RSRC1: variants seen among roughly 807,000 people sequenced by gnomAD.
RSRC1 encodes arginine and serine rich coiled-coil 1.
Under a neutral mutation model 49.1 loss-of-function variants are expected in RSRC1, and 39 were observed. The observed-to-expected ratio is 0.79, with a 90% CI of 0.61 to 1.04. The LOEUF (loss-of-function observed/expected upper bound fraction) is 1.04, where lower values mean the gene tolerates loss of function less well. Ranked by LOEUF, RSRC1 falls within the 50% of genes least tolerant of loss-of-function variation. The probability of loss-of-function intolerance (pLI) is 0.00; values close to 1 mark genes in which losing one functional copy is unlikely to be tolerated. For synonymous variants in RSRC1, 143 were observed against 130.8 expected (o/e 1.09, Z -0.63); for missense variants, 388 against 402.4 (o/e 0.96, Z 0.31).
chr3:158,483,536 A>G (rs1350928940), intron 7 of RSRC1, among the ~76,000 whole-genome samples: 1 of 152,086 alleles, frequency 6.6e-6, no homozygotes, highest in Non-Finnish European at 1.5e-5. Context: ...AATGAAAAAT[A>G]TTTAATGTGT....
At chr3:158,389,668 G>C (rs944545184) in intron 6 of RSRC1, among the ~76,000 whole-genome samples, 1 of 152,136 alleles carries the variant, frequency 6.6e-6, no homozygotes, top group Non-Finnish European at 1.5e-5. Flanking sequence ...GGAAAATTTA[G>C]CATGAGTTAA....
At chr3:158,322,730 A>T (rs1406144532) in intron 5 of RSRC1, among the ~76,000 whole-genome samples, 2 of 152,054 alleles carry the variant, frequency 1.3e-5, no homozygotes, top group East Asian at 3.9e-4. Flanking sequence ...CTAGGACTTC[A>T]ATTACATGTA....
intron 3 of RSRC1, among the ~76,000 whole-genome samples, chr3:158,148,379 G>GTC (rs1329191367): frequency 2.0e-5 from 3 of 151,822 alleles, no homozygotes; most frequent in Non-Finnish European, 2.9e-5. Flanking sequence ...GTGTGTGTGT[G>GTC]TGTGTATGCG....
intron 1 of RSRC1, among the ~76,000 whole-genome samples, chr3:158,119,966 G>A (rs572681035): frequency 6.6e-6 from 1 of 151,808 alleles, no homozygotes; most frequent in Non-Finnish European, 1.5e-5. Flanking sequence ...GAGTAGCTGA[G>A]ACTACAGGCG....
At chr3:158,280,377 T>C (rs1463365952) in intron 4 of RSRC1, among the ~76,000 whole-genome samples, 1 of 152,168 alleles carries the variant, frequency 6.6e-6, no homozygotes, top group Non-Finnish European at 1.5e-5. Context: ...TTAATTAAAC[T>C]ATTAGTAACT....
chr3:158,385,426 C>T (rs533388310), intron 6 of RSRC1, among the ~76,000 whole-genome samples: 2 of 152,272 alleles, frequency 1.3e-5, no homozygotes, highest in African/African-American at 4.8e-5. Flanking sequence ...GAGTGACTAC[C>T]TCTGCCTGAG....
chr3:158,326,709 G>T (rs546630235), intron 5 of RSRC1, among the ~76,000 whole-genome samples: 3 of 152,206 alleles, frequency 2.0e-5, no homozygotes, highest in African/African-American at 7.2e-5. Context: ...TTGTGTCTCT[G>T]CCAGGCTTTG....
At chr3:158,116,531 G>C (rs1305578937) in intron 1 of RSRC1, among the ~76,000 whole-genome samples, 1 of 151,692 alleles carries the variant, frequency 6.6e-6, no homozygotes, top group Non-Finnish European at 1.5e-5. Context: ...AATTGAAATT[G>C]CTTTTTTTTT....
At chr3:158,200,346 T>C (rs927820945) in intron 3 of RSRC1, among the ~76,000 whole-genome samples, 1 of 152,186 alleles carries the variant, frequency 6.6e-6, no homozygotes, top group Non-Finnish European at 1.5e-5. Context: ...CCTGGCCATT[T>C]ACTTTTAACC....
At chr3:158,480,449 C>T (rs945386194) in intron 7 of RSRC1, among the ~76,000 whole-genome samples, 2 of 151,598 alleles carry the variant, frequency 1.3e-5, no homozygotes, top group Non-Finnish European at 2.9e-5. Flanking sequence ...ATTGAAAAGC[C>T]GTATTTGAAG....
At chr3:158,261,701 A>G (rs1256891333) in intron 4 of RSRC1, among the ~76,000 whole-genome samples, 1 of 152,150 alleles carries the variant, frequency 6.6e-6, no homozygotes, top group Non-Finnish European at 1.5e-5. Context: ...AGGAGCATGA[A>G]CCCTATTGTG....
chr3:158,207,978 G>A (rs1049467203), intron 4 of RSRC1, among the ~76,000 whole-genome samples: 2 of 151,984 alleles, frequency 1.3e-5, no homozygotes, highest in African/African-American at 4.8e-5. Flanking sequence ...TCATAAATTG[G>A]CCTGCTAATT....
At chr3:158,401,855 A>T (rs1578431202) in intron 6 of RSRC1, among the ~76,000 whole-genome samples, 1 of 151,992 alleles carries the variant, frequency 6.6e-6, no homozygotes, top group Non-Finnish European at 1.5e-5. Context: ...AATTTAATTT[A>T]AATTTATGAA....
In RSRC1 at chr3:158,134,279, AT is replaced by A. The variant is rs551409381; in HGVS notation, c.320+10294del. Among the ~76,000 whole-genome samples, 397 of 152,196 alleles carry A rather than the reference AT, an allele frequency of 2.6e-3. 1 individual carries two copies. The highest frequency in any genetic ancestry group is 9.3e-3 in the African/African-American group (388 of 41,530). On this transcript the variant is annotated intron_variant, in intron 3 of 9. Transcript: ENST00000611884. ...TATTCTTTACAGTAGTTTTAGCTTCATTTTTTCCTAGCTAATTATTATACCG... is the reference window on the plus strand; with the variant it reads ...TATTCTTTACAGTAGTTTTAGCTTCATTTTTCCTAGCTAATTATTATACCG...
chr3:158,355,470 TA>T (rs1172415511), intron 6 of RSRC1, among the ~76,000 whole-genome samples: 2 of 151,968 alleles, frequency 1.3e-5, no homozygotes, highest in Non-Finnish European at 2.9e-5. Context: ...TTCATTGTTC[TA>T]AAGAAAATGA....
At chr3:158,148,118 A>G (rs1717266416) in intron 3 of RSRC1, among the ~76,000 whole-genome samples, 2 of 152,148 alleles carry the variant, frequency 1.3e-5, no homozygotes, top group South Asian at 2.1e-4. Context: ...ATACTTACCT[A>G]TTATCTGGGA....
At chr3:158,389,544 T>C (rs1338633015) in intron 6 of RSRC1, among the ~76,000 whole-genome samples, 4 of 152,230 alleles carry the variant, frequency 2.6e-5, no homozygotes, top group African/African-American at 7.2e-5. Context: ...GCAACTGATA[T>C]ACCATGTAGG....
chr3:158,449,314 G>T (rs1345926797), intron 6 of RSRC1, among the ~76,000 whole-genome samples: 1 of 151,892 alleles, frequency 6.6e-6, no homozygotes, highest in Non-Finnish European at 1.5e-5. Context: ...AAATACGGTT[G>T]CTGAAACCAT....
intron 6 of RSRC1, among the ~76,000 whole-genome samples, chr3:158,381,697 G>A (rs1451089373): frequency 1.3e-5 from 2 of 152,112 alleles, no homozygotes; most frequent in African/African-American, 2.4e-5. Flanking sequence ...GCTGAATATT[G>A]TAAACAATGT....
Sources: allele counts gnomAD v4.1 joint callset (sites outside exome capture counted in the v4.1 genomes callset), GRCh38; gene constraint gnomAD v4.1.1; transcripts MANE v1.5; gene names NCBI Gene and HGNC (gene_info 2026-07-23, HGNC 2026-07-21).